The following COL18A1 variants were observed in gnomAD, a reference collection of about 807,000 sequenced individuals.
COL18A1 encodes the protein collagen type XVIII alpha 1 chain.
In COL18A1, 133 loss-of-function variants were observed where a neutral mutation model predicts 168.0. The observed-to-expected ratio is 0.79, with a 90% CI of 0.69 to 0.91. The LOEUF (loss-of-function observed/expected upper bound fraction) is 0.91. COL18A1 is among the 40% of genes least tolerant of loss of function. The pLI is 0.00. For missense variants in COL18A1, 2,126 were observed against 1,925.4 expected, an observed-to-expected ratio of 1.10 and a Z score of -1.95; for synonymous variants, 949 against 809.0, an observed-to-expected ratio of 1.17 and a Z score of -2.94.
intron 2 of COL18A1, among the ~76,000 whole-genome samples, chr21:45,452,448 A>C (rs1436675773): frequency 6.6e-6 from 1 of 151,336 alleles, no homozygotes; most frequent in African/African-American, 2.4e-5. Flanking sequence ...GTGAGTACTC[A>C]CGTGTGACAT....
intron 27 of COL18A1, 124 bp downstream of exon 27, chr21:45,494,695 A>C: frequency 1.4e-6 from 2 of 1,461,912 alleles, no homozygotes; most frequent in Non-Finnish European, 1.9e-6. Flanking sequence ...TGCAGTTTTA[A>C]AGCGTGTGGG....
intron 32 of COL18A1, among the ~76,000 whole-genome samples, chr21:45,503,234 T>C (rs2146058825): frequency 6.6e-6 from 1 of 152,048 alleles, no homozygotes; most frequent in Middle Eastern, 3.4e-3. Context: ...CGGCACCTGT[T>C]GTTTCCTTAC....
intron 9 of COL18A1, among the ~76,000 whole-genome samples, chr21:45,478,808 A>T (rs984914510): frequency 1.9e-4 from 29 of 152,226 alleles, no homozygotes; most frequent in African/African-American, 7.0e-4. Flanking sequence ...ATCGACTGCG[A>T]ATAAAGACCT....
chr21:45,415,569 A>G (rs2123519666), intron 2 of COL18A1, among the ~76,000 whole-genome samples: 1 of 152,258 alleles, frequency 6.6e-6, no homozygotes, highest in East Asian at 1.9e-4. Context: ...GCAGGTGGGA[A>G]CCAGCGTGGT....
chr21:45,456,368 G>A lies in COL18A1; in HGVS notation c.107-11874G>A, dbSNP rs557847592. ...CCTGGGCAAGCACGCGGCCCCCTCC[G>A]CCTTCTCCTCTGGGCTCCCGGGCGC... On this transcript the variant is annotated intron_variant, in intron 2 of 41. Coordinates refer to ENST00000651438, the MANE Select transcript of COL18A1 (RefSeq NM_001379500.1). 27 of 1,549,906 alleles carry A rather than the reference G, an allele frequency of 1.7e-5. No individual in the cohort carries two copies. Among genetic ancestry groups the A allele is most frequent in the Middle Eastern group, 1.7e-4 (1 of 6,008 alleles).
At chr21:45,478,301 A>G (rs750755182) in intron 8 of COL18A1, 26 bp from the exon 9 acceptor site, 30 of 1,613,574 alleles carry the variant, frequency 1.9e-5, no homozygotes, top group Admixed American at 6.7e-5. Flanking sequence ...ATTTCCCATC[A>G]CTAATGGCTT....
At chr21:45,421,545 A>G in intron 2 of COL18A1, 1 of 534,556 alleles carries the variant, frequency 1.9e-6, no homozygotes, top group South Asian at 1.4e-5. Flanking sequence ...TCATGCTGTT[A>G]ATTAGATTGG....
At chr21:45,506,058 A>C in intron 37 of COL18A1, 92 bp downstream of exon 37, 2 of 1,589,766 alleles carry the variant, frequency 1.3e-6, no homozygotes, top group Non-Finnish European at 1.7e-6. Context: ...GGCCCCGGAC[A>C]GGGATGGGAG....
intron 9 of COL18A1, among the ~76,000 whole-genome samples, chr21:45,479,410 C>A (rs1008471105): frequency 4.6e-5 from 7 of 151,666 alleles, no homozygotes; most frequent in Admixed American, 1.3e-4. Flanking sequence ...CACGCACGTG[C>A]ACACATCACA....
intron 29 of COL18A1, 69 bp from the exon 30 acceptor site, chr21:45,496,431 C>T: frequency 1.2e-6 from 1 of 802,714 alleles, no homozygotes; most frequent in East Asian, 2.4e-5. Context: ...TTTTTCTGAA[C>T]TGTCTCTGCT....
chr21:45,429,739 C>T (rs951377038), intron 2 of COL18A1, among the ~76,000 whole-genome samples: 5 of 152,182 alleles, frequency 3.3e-5, no homozygotes, highest in Non-Finnish European at 5.9e-5. Flanking sequence ...CATGTGAAAG[C>T]CAGTGTGTCC....
In COL18A1 at chr21:45,512,261, C is replaced by T. The variant is rs1403108537; in HGVS notation, c.3883C>T (p.Arg1295Trp). The change falls in exon 42 of 42, where the codon CGG becomes TGG. Residue 1295 changes from arginine (R) to tryptophan (W), a missense_variant. Coordinates refer to ENST00000651438, the MANE Select transcript of COL18A1 (RefSeq NM_001379500.1). ...GACCGAGAGCTACTGTGAGACGTGG[C>T]GGACGGAGGCTCCCTCGGCCACGGG... Reference protein sequence around the residue: ...RLTESYCETWRTEAPSATGQA... With the variant: ...RLTESYCETWWTEAPSATGQA... The T allele has an allele frequency of 4.3e-6, 7 of 1,611,750 alleles. No homozygotes were observed. Among genetic ancestry groups the T allele is most frequent in the East Asian group, 4.5e-5 (2 of 44,866 alleles).
At chr21:45,489,464 C>T (rs774604627) in intron 18 of COL18A1, 22 bp from the exon 19 acceptor site, 26 of 1,580,142 alleles carry the variant, frequency 1.6e-5, no homozygotes, top group Admixed American at 1.4e-4. Flanking sequence ...CAGGTGCTCA[C>T]GGAGCCCCTT....
chr21:45,464,388 A>G (rs1176830092), intron 2 of COL18A1, among the ~76,000 whole-genome samples: 1 of 152,180 alleles, frequency 6.6e-6, no homozygotes, highest in African/African-American at 2.4e-5. Flanking sequence ...GCCACACATG[A>G]GAGGGTGGAA....
At position 45,457,085 on chromosome 21, in the gene COL18A1, A is replaced by G. The variant is rs1194127470; in HGVS notation, c.107-11157A>G. 6.6e-6 allele frequency among the ~76,000 whole-genome samples: 1 copy of G among 152,064 alleles called. No homozygotes were observed. Among genetic ancestry groups the G allele is most frequent in the African/African-American group, 2.4e-5 (1 of 41,398 alleles). The stretch of plus-strand genomic sequence containing the variant: ...GGCGTCTGGACAGGAAGAGGGCTGG[A>G]TGAACCGCAGCCGATGTGTCCAGGT... On this transcript the variant is annotated intron_variant, in intron 2 of 41. Transcript: ENST00000651438. The surrounding 1 kb of genome is among the most constrained non-coding windows in gnomAD (Gnocchi z 4.6).
chr21:45,479,363 GCACA>G (rs35503190), intron 9 of COL18A1, among the ~76,000 whole-genome samples: 5 of 151,106 alleles, frequency 3.3e-5, no homozygotes, highest in African/African-American at 7.3e-5. Flanking sequence ...ACACGTGTGT[GCACA>G]CACACCACAG....
intron 37 of COL18A1, chr21:45,507,318 G>C (rs1028703589): frequency 1.6e-5 from 9 of 579,940 alleles, no homozygotes; most frequent in Non-Finnish European, 2.8e-5. Flanking sequence ...GCACCCTCCT[G>C]TGGGCTGGCA....
rs573292486 is a variant in COL18A1 at position 45,429,123 on chromosome 21, G to A, written c.106+23650G>A. ...TCATCATGTTGGCCAGGATGGTCTC[G>A]ATCTTCCGACCTTGTGATCTGCCCG... On this transcript the variant is annotated intron_variant, in intron 2 of 41. Coordinates refer to ENST00000651438, the MANE Select transcript of COL18A1 (RefSeq NM_001379500.1). Among the ~76,000 whole-genome samples, 6 of 152,020 alleles carry A rather than the reference G, an allele frequency of 3.9e-5. No individual in the cohort carries two copies. The East Asian group carries it at 5.8e-4, about 15-fold the overall frequency.
At chr21:45,412,302 T>C (rs1401351838) in intron 2 of COL18A1, among the ~76,000 whole-genome samples, 3 of 151,268 alleles carry the variant, frequency 2.0e-5, no homozygotes. Flanking sequence ...AGTGGCGTGA[T>C]CTTGGCGCCC....
Sources: gnomAD v4.1 joint callset for allele counts (sites outside exome capture counted in the v4.1 genomes callset) on GRCh38, gnomAD v4.1.1 for gene constraint, Gnocchi (gnomAD v3.1) non-coding constraint, MANE v1.5 for transcripts, NCBI Gene and HGNC (gene_info 2026-07-23, HGNC 2026-07-21) for gene names.